XRRA1: variants seen among roughly 807,000 people sequenced by gnomAD.
XRRA1 encodes the protein X-ray radiation resistance-associated protein 1.
A neutral mutation model predicts 80.2 loss-of-function variants in XRRA1; 69 were observed. That is an observed-to-expected ratio of 0.86 (90% CI 0.71 to 1.05). XRRA1 has a LOEUF of 1.05. XRRA1 is among the 50% of genes least tolerant of loss of function. The probability of loss-of-function intolerance (pLI) is 0.00; values close to 1 mark genes in which losing one functional copy is unlikely to be tolerated. For synonymous variants in XRRA1, 348 were observed against 389.9 expected, an observed-to-expected ratio of 0.89 and a Z score of 1.27; for missense variants, 967 against 976.4, an observed-to-expected ratio of 0.99 and a Z score of 0.13.
intron 10 of XRRA1, among the ~76,000 whole-genome samples, chr11:74,878,639 T>A (rs2046677692): frequency 6.7e-6 from 1 of 149,420 alleles, no homozygotes; most frequent in African/African-American, 2.5e-5. Context: ...TTGATTTTTG[T>A]ATAAGGTGTA....
At chr11:74,853,387 C>A (rs1451195745) in intron 12 of XRRA1, among the ~76,000 whole-genome samples, 1 of 152,224 alleles carries the variant, frequency 6.6e-6, no homozygotes. Flanking sequence ...CAGGCAGCTA[C>A]ATGTGGTCAC....
chr11:74,887,289 T>C (rs761237436), intron 10 of XRRA1, among the ~76,000 whole-genome samples: 2 of 152,144 alleles, frequency 1.3e-5, no homozygotes, highest in African/African-American at 4.8e-5. Flanking sequence ...AGATAAAGTA[T>C]AGAATCAGAG....
intron 10 of XRRA1, among the ~76,000 whole-genome samples, chr11:74,878,964 T>C (rs1413473809): frequency 2.6e-5 from 4 of 151,206 alleles, no homozygotes; most frequent in Non-Finnish European, 4.4e-5. Context: ...TTTGGTTCCA[T>C]ATGAACTTTA....
At chr11:74,881,807 C>A (rs1449313145) in intron 10 of XRRA1, among the ~76,000 whole-genome samples, 7 of 149,312 alleles carry the variant, frequency 4.7e-5, no homozygotes, top group African/African-American at 1.2e-4. Flanking sequence ...GTTGAAAATT[C>A]TTTTCTTTAA....
chr11:74,897,601 A>G lies in XRRA1; in HGVS notation c.1003+8638T>C, dbSNP rs564176147. On this transcript the variant is annotated intron_variant, in intron 10 of 18. Coordinates refer to ENST00000684022, the MANE Select transcript of XRRA1 (RefSeq NM_001378157.1). ...AAGGTCAAGGATCCTAAAAGCAGTAAGAGATAAGAAACAACATACAATGGA... is the reference window on the plus strand; with the variant it reads ...AAGGTCAAGGATCCTAAAAGCAGTAGGAGATAAGAAACAACATACAATGGA... Among the ~76,000 whole-genome samples the G allele has an allele frequency of 1.1e-4, 16 of 152,084 alleles. No individual in the cohort carries two copies. The East Asian group carries it at 2.1e-3, about 20-fold the overall frequency.
intron 10 of XRRA1, among the ~76,000 whole-genome samples, chr11:74,866,308 C>T (rs2043394267): frequency 6.6e-6 from 1 of 151,994 alleles, no homozygotes; most frequent in African/African-American, 2.4e-5. Context: ...GGTTGGAGTA[C>T]AGTGACATGA....
chr11:74,893,249 CT>C (rs2051269227), intron 10 of XRRA1, among the ~76,000 whole-genome samples: 1 of 152,154 alleles, frequency 6.6e-6, no homozygotes, highest in South Asian at 2.1e-4. Flanking sequence ...AGTTCATGTC[CT>C]TTGTAGGGAC....
intron 8 of XRRA1, 54 bp from the exon 9 acceptor site, chr11:74,907,327 A>C: frequency 1.9e-6 from 3 of 1,604,214 alleles, no homozygotes; most frequent in Non-Finnish European, 2.6e-6. Context: ...AAATTCCACC[A>C]TTCCCAGGAA....
chr11:74,921,383 ACT>A, intron 7 of XRRA1, 36 bp from the exon 8 acceptor site: 1 of 1,611,708 alleles, frequency 6.2e-7, no homozygotes, highest in Non-Finnish European at 8.5e-7. Context: ...GAAGGTAAGC[ACT>A]CTGTGTGACA....
chr11:74,933,291 A>G (rs1282668), intron 5 of XRRA1: 123,062 of 151,738 alleles, frequency 0.81, 50,052 homozygotes, highest in African/African-American at 0.85. Flanking sequence ...ACAGAGTCTC[A>G]CTGTCACCCA....
At chr11:74,904,106 TTCAGTC>T (rs1168532695) in intron 10 of XRRA1, among the ~76,000 whole-genome samples, 3 of 152,186 alleles carry the variant, frequency 2.0e-5, no homozygotes, top group African/African-American at 7.2e-5. Flanking sequence ...GGTTCAATCT[TTCAGTC>T]TAAAGAATCA....
At chr11:74,922,368 G>A (rs554378854) in intron 7 of XRRA1, among the ~76,000 whole-genome samples, 1 of 151,892 alleles carries the variant, frequency 6.6e-6, no homozygotes, top group African/African-American at 2.4e-5. Context: ...CTGGATTCAT[G>A]ACATAGTTGA....
intron 4 of XRRA1, among the ~76,000 whole-genome samples, chr11:74,934,285 A>G (rs1191154760): frequency 6.6e-6 from 1 of 152,208 alleles, no homozygotes; most frequent in Non-Finnish European, 1.5e-5. Context: ...CACCCGACAT[A>G]ATTTAAAAGT....
intron 4 of XRRA1, 110 bp from the exon 5 acceptor site, chr11:74,933,982 T>A: frequency 1.1e-6 from 1 of 935,816 alleles, no homozygotes; most frequent in Non-Finnish European, 1.6e-6. Flanking sequence ...ATAATTTGTT[T>A]GCTTGTTCAT....
chr11:74,874,767 C>T (rs1253376597), intron 10 of XRRA1, among the ~76,000 whole-genome samples: 2 of 152,318 alleles, frequency 1.3e-5, no homozygotes, highest in Middle Eastern at 3.4e-3. Flanking sequence ...GGAACCTGAA[C>T]ATGACTGTGA....
chr11:74,934,728 C>T (rs1023883340), intron 4 of XRRA1, among the ~76,000 whole-genome samples: 1 of 152,040 alleles, frequency 6.6e-6, no homozygotes, highest in African/African-American at 2.4e-5. Context: ...AGTGAGACGG[C>T]CATTAGATCA....
intron 10 of XRRA1, among the ~76,000 whole-genome samples, chr11:74,896,274 C>T (rs2052294459): frequency 6.6e-6 from 1 of 152,254 alleles, no homozygotes. Flanking sequence ...TGGGCCCACT[C>T]TGGGCAAGAG....
At chr11:74,936,840 C>T in intron 4 of XRRA1, 44 bp downstream of exon 4, 1 of 1,578,184 alleles carries the variant, frequency 6.3e-7, no homozygotes, top group Non-Finnish European at 8.6e-7. Flanking sequence ...TTCCTCCCCA[C>T]CCTAGCTGAT....
At chr11:74,866,067 A>G (rs980285544) in intron 10 of XRRA1, among the ~76,000 whole-genome samples, 1 of 152,126 alleles carries the variant, frequency 6.6e-6, no homozygotes, top group African/African-American at 2.4e-5. Flanking sequence ...AAAAATAAAT[A>G]CCTAATATTT....
Sources: gnomAD v4.1 joint callset for allele counts (sites outside exome capture counted in the v4.1 genomes callset) on GRCh38, gnomAD v4.1.1 for gene constraint, MANE v1.5 for transcripts, NCBI Gene and HGNC (gene_info 2026-07-23, HGNC 2026-07-21) for gene names.